KLHL18: variants seen among roughly 807,000 people sequenced by gnomAD.
KLHL18 encodes the protein kelch-like protein 18.
KLHL18 carries 38 observed loss-of-function variants against 58.5 expected under a neutral mutation model. That is an observed-to-expected ratio of 0.65 (90% CI 0.50 to 0.85). The LOEUF (loss-of-function observed/expected upper bound fraction) is 0.85. Among genes scored for constraint, KLHL18 ranks in the 40% least tolerant of loss-of-function variants. The pLI is 0.00. For missense variants in KLHL18, 624 were observed against 778.4 expected, an observed-to-expected ratio of 0.80 and a Z score of 2.36; for synonymous variants, 303 against 301.9, an observed-to-expected ratio of 1.00 and a Z score of -0.04.
intron 9 of KLHL18, 86 bp downstream of exon 9, chr3:47,342,916 G>T: frequency 9.9e-7 from 1 of 1,011,466 alleles, no homozygotes; most frequent in East Asian, 2.4e-5. Context: ...AAAAACTTCA[G>T]CCTTGCCACA....
chr3:47,336,490 A>G (rs1370938100), intron 6 of KLHL18, 45 bp from the exon 7 acceptor site: 1 of 1,536,014 alleles, frequency 6.5e-7, no homozygotes, highest in Non-Finnish European at 9.0e-7. Context: ...TGCTCTAAAC[A>G]AGTGGTCTCA....
In KLHL18 at chr3:47,343,889, C is replaced by T. The variant is rs748587580; in HGVS notation, c.1673C>T (p.Ala558Val). The change falls in exon 10 of 10, where the codon GCG becomes GTG. Residue 558 changes from alanine (A) to valine (V), a missense_variant. Physicochemically the swap from Ala to Val is moderately conservative, Grantham distance 64. Coordinates refer to ENST00000232766, the MANE Select transcript of KLHL18 (RefSeq NM_025010.5). ...TDCWTFMAPM[A>V]CHEGGVGVGC... Reference sequence around the variant, plus strand: ...TGCTGGACATTCATGGCCCCCATGGCGTGCCATGAGGGAGGGGTCGGTGTG... The same window carrying T: ...TGCTGGACATTCATGGCCCCCATGGTGTGCCATGAGGGAGGGGTCGGTGTG... The T allele has an allele frequency of 2.4e-5, 39 of 1,613,986 alleles. No individual in the cohort carries two copies. The highest frequency in any genetic ancestry group is 3.3e-4 in the Middle Eastern group (2 of 6,084).
rs552987014 is a variant in KLHL18, at chr3:47,303,870, A to G, written c.130-15783A>G. ...CCCAAGTAGCTGGGACTACAGGCAC[A>G]TGCCACTATGCCCAACTAATTTTTA... is the stretch of plus-strand genomic sequence containing the variant. On this transcript the variant is annotated intron_variant, in intron 1 of 9. Coordinates refer to ENST00000232766, the MANE Select transcript of KLHL18 (RefSeq NM_025010.5). 4.0e-5 allele frequency among the ~76,000 whole-genome samples: 6 copies of G among 150,882 alleles called. No homozygotes were observed. The South Asian group carries it at 1.3e-3, about 32-fold the overall frequency.
At position 47,345,393 on chromosome 3, in the gene KLHL18, A is replaced by G. The variant is rs1279397464; in HGVS notation, c.*1452A>G. 3 of 152,658 alleles carry G rather than the reference A, an allele frequency of 2.0e-5. No individual in the cohort carries two copies. Among genetic ancestry groups the G allele is most frequent in the Non-Finnish European group, 4.4e-5 (3 of 68,042 alleles). 9.5% of individuals were successfully genotyped at this position (152,658 alleles called of 1,614,324 possible). On this transcript the variant is annotated 3_prime_UTR_variant, in exon 10 of 10. Transcript: ENST00000232766. Reference sequence around the variant, plus strand: ...AGCACAGCTGGCTTTTATGACATAAAGAACTAAAGGCCGAAAGAATCTCTT... The same window carrying G: ...AGCACAGCTGGCTTTTATGACATAAGGAACTAAAGGCCGAAAGAATCTCTT...
intron 1 of KLHL18, among the ~76,000 whole-genome samples, chr3:47,292,130 G>A (rs948338089): frequency 1.3e-5 from 2 of 152,288 alleles, no homozygotes; most frequent in East Asian, 1.9e-4. Flanking sequence ...TAGGTGAACT[G>A]TAGTTCAAAT....
chr3:47,339,469 T>C lies in KLHL18; in HGVS notation c.1122-1103T>C, dbSNP rs115967686. 6.9e-3 allele frequency among the ~76,000 whole-genome samples: 1,015 copies of C among 146,446 alleles called. 12 individuals are homozygous for C. Among genetic ancestry groups the C allele is most frequent in the African/African-American group, 0.025 (972 of 39,514 alleles). ...ATTGTGCTACTGCACTCCAGCCTGA[T>C]GATAGAGCAAGACCTCATCTCAAAA... On this transcript the variant is annotated intron_variant, in intron 7 of 9. Transcript: ENST00000232766.
At position 47,340,615 on chromosome 3, in the gene KLHL18, G is replaced by A; in HGVS notation, c.1165G>A (p.Gly389Arg). ...GCTGGATGGGCAGATCTACGTCTGT[G>A]GGGGCTACGATGGCAACTCTTCCCT... Reference protein sequence around the residue: ...VVLDGQIYVCGGYDGNSSLSS... With the variant: ...VVLDGQIYVCRGYDGNSSLSS... The change falls in exon 8 of 10, where the codon GGG becomes AGG. Residue 389 changes from glycine (G) to arginine (R), a missense_variant. Coordinates refer to ENST00000232766, the MANE Select transcript of KLHL18 (RefSeq NM_025010.5). 1 of 1,614,044 alleles carries A rather than the reference G, an allele frequency of 6.2e-7. No homozygotes were observed.
intron 3 of KLHL18, among the ~76,000 whole-genome samples, chr3:47,329,313 C>T (rs1298591784): frequency 1.3e-5 from 2 of 151,974 alleles, no homozygotes; most frequent in Admixed American, 1.3e-4. Flanking sequence ...CTGCAAGCTC[C>T]GCCTCCTGGG....
At chr3:47,289,867 ATG>A (rs1469014913) in intron 1 of KLHL18, among the ~76,000 whole-genome samples, 1 of 152,206 alleles carries the variant, frequency 6.6e-6, no homozygotes, top group African/African-American at 2.4e-5. Context: ...TGTGGAATGA[ATG>A]GAGACTGGAG....
At chr3:47,304,220 T>C (rs1483394671) in intron 1 of KLHL18, among the ~76,000 whole-genome samples, 2 of 152,196 alleles carry the variant, frequency 1.3e-5, no homozygotes, top group Non-Finnish European at 2.9e-5. Context: ...AATAATATCA[T>C]CTATAGCTAT....
intron 1 of KLHL18, among the ~76,000 whole-genome samples, chr3:47,293,971 G>C (rs903844484): frequency 6.6e-6 from 1 of 152,176 alleles, no homozygotes; most frequent in African/African-American, 2.4e-5. Flanking sequence ...CACAAGAGCA[G>C]GGCTGTGACT....
At position 47,330,156 on chromosome 3, in the gene KLHL18, G is replaced by C. The variant is rs1304624846; in HGVS notation, c.600+7G>C. The C allele has an allele frequency of 3.1e-6, 5 of 1,613,312 alleles. No individual in the cohort carries two copies. Among genetic ancestry groups the C allele is most frequent in the Non-Finnish European group, 4.2e-6 (5 of 1,179,428 alleles). On this transcript the variant is annotated splice_region_variant and intron_variant, in intron 4 of 9. Transcript: ENST00000232766. Reference sequence around the variant, plus strand: ...TGTCAAATCTGAGGAGCAGGTATGTGAGCCCAGTAGCAGTCTGTGCAGGTG... The same window carrying C: ...TGTCAAATCTGAGGAGCAGGTATGTCAGCCCAGTAGCAGTCTGTGCAGGTG...
At chr3:47,311,041 G>A (rs1703287328) in intron 1 of KLHL18, among the ~76,000 whole-genome samples, 1 of 149,472 alleles carries the variant, frequency 6.7e-6, no homozygotes, top group African/African-American at 2.5e-5. Context: ...CTGGAGTCTC[G>A]CTCTGTCGCC....
chr3:47,312,833 G>A (rs1216250953), intron 1 of KLHL18, among the ~76,000 whole-genome samples: 1 of 150,304 alleles, frequency 6.7e-6, no homozygotes, highest in African/African-American at 2.4e-5. Flanking sequence ...TTAAATGGAT[G>A]TTTTATTTTG....
chr3:47,340,588 G>T lies in KLHL18; in HGVS notation c.1138G>T (p.Val380Leu). ...CTGTTTCAGTGCCATGGGGACAGTC[G>T]TGCTGGATGGGCAGATCTACGTCTG... ...NSKRSAMGTVVLDGQIYVCGG... is the reference protein window; with the variant it reads ...NSKRSAMGTVLLDGQIYVCGG... Residue 380 changes from valine to leucine, a missense_variant, in exon 8 of 10, where the codon GTG becomes TTG. Coordinates refer to ENST00000232766, the MANE Select transcript of KLHL18 (RefSeq NM_025010.5). The T allele has an allele frequency of 6.2e-7, 1 of 1,613,986 alleles. No homozygotes were observed. Among genetic ancestry groups the T allele is most frequent in the Non-Finnish European group, 8.5e-7 (1 of 1,179,966 alleles).
rs750636283 is a variant in KLHL18 at position 47,330,111 on chromosome 3, G to T, written c.562G>T (p.Val188Leu). The T allele has an allele frequency of 1.9e-6, 3 of 1,614,154 alleles. No homozygotes were observed. In the South Asian group the frequency reaches 3.3e-5, roughly 18 times the overall value. Residue 188 changes from valine to leucine, a missense_variant, in exon 4 of 10, where the codon GTG becomes TTG. Val to Leu is a conservative substitution (Grantham distance 32, BLOSUM62 1). Transcript: ENST00000232766. ...GCCCTTGGAAGACGTGCTTGAGCTG[G>T]TGTCTCGGGATGAGCTGAATGTCAA... ...ALPLEDVLEL[V>L]SRDELNVKSE...
chr3:47,319,903 T>C (rs1703545885), intron 2 of KLHL18, 120 bp downstream of exon 2: 1 of 1,055,630 alleles, frequency 9.5e-7, no homozygotes, highest in African/African-American at 1.6e-5. Flanking sequence ...TCTACACAAA[T>C]AATAAGTGAT....
At position 47,344,303 on chromosome 3, in the gene KLHL18, C is replaced by A; in HGVS notation, c.*362C>A. On this transcript the variant is annotated 3_prime_UTR_variant, in exon 10 of 10. Transcript: ENST00000232766. ...TCCATCTGATGCTCCCCATCGCCTG[C>A]TTGCTCTCCAGCCGAGTCTGGCCAA... The A allele has an allele frequency of 3.3e-6, 1 of 301,162 alleles. No individual in the cohort carries two copies. The highest frequency in any genetic ancestry group is 6.3e-6 in the Non-Finnish European group (1 of 159,902). The allele number at this position is 301,162 out of a possible 1,614,324, so 18.7% of individuals were successfully genotyped here.
chr3:47,308,377 G>A (rs1056562863), intron 1 of KLHL18, among the ~76,000 whole-genome samples: 10 of 152,146 alleles, frequency 6.6e-5, no homozygotes, highest in South Asian at 4.1e-4. Context: ...CCAATATGTC[G>A]TCAATATGTA....
Sources: allele counts gnomAD v4.1 joint callset (sites outside exome capture counted in the v4.1 genomes callset), GRCh38; gene constraint gnomAD v4.1.1; transcripts MANE v1.5; gene names NCBI Gene and HGNC (gene_info 2026-07-23, HGNC 2026-07-21).